The following CDH13 variants were observed in gnomAD, a reference collection of about 807,000 sequenced individuals.
CDH13 encodes the protein cadherin-13.
Under a neutral mutation model 63.8 loss-of-function variants are expected in CDH13, and 24 were observed. The ratio of observed to expected loss-of-function variants is 0.38; its 90% confidence interval spans 0.27 to 0.53. The LOEUF is 0.53. Among genes scored for constraint, CDH13 ranks in the 20% least tolerant of loss-of-function variants. The pLI is 0.85. For synonymous variants in CDH13, 503 were observed against 355.3 expected, an observed-to-expected ratio of 1.42 and a Z score of -4.67; for missense variants, 1,049 against 903.1, an observed-to-expected ratio of 1.16 and a Z score of -2.07.
rs2090806034 is a variant in CDH13, at chr16:83,344,928, G to A, written c.703G>A (p.Val235Met). The A allele has an allele frequency of 1.2e-6, 2 of 1,613,840 alleles. No homozygotes were observed. Among genetic ancestry groups the A allele is most frequent in the Non-Finnish European group, 1.7e-6 (2 of 1,179,810 alleles). ...LEGPVPLEVIVIDQNDNRPIF... is the reference protein window; with the variant it reads ...LEGPVPLEVIMIDQNDNRPIF... ...GGGGCCGGTGCCTCTGGAAGTCATT[G>A]TGATTGATCAGAATGACAACCGACC... The change falls in exon 6 of 14, where the codon GTG (valine) becomes ATG (methionine). Residue 235 changes from valine (V) to methionine (M), a missense_variant. By Grantham distance (21) the Val-to-Met change is conservative (BLOSUM62 1). Transcript: ENST00000567109.
chr16:83,511,013 C>T (rs78366289), intron 7 of CDH13, among the ~76,000 whole-genome samples: 1 of 152,214 alleles, frequency 6.6e-6, no homozygotes, highest in Non-Finnish European at 1.5e-5. Context: ...ACCATCTTCC[C>T]ACACACATAC....
rs375432318 is a variant in CDH13 at position 82,762,441 on chromosome 16, CCA to C, written c.46-95918_46-95917del. 6.5e-4 allele frequency among the ~76,000 whole-genome samples: 99 copies of C among 152,282 alleles called. 2 individuals carry two copies. In the South Asian group the frequency reaches 0.02, roughly 30 times the overall value. ...CAAGTGCTGTAGCTAAAGGGAGCTA[CCA>C]CAGAGTATTAATAGAAAATGTATGT... On this transcript the variant is annotated intron_variant, in intron 1 of 13. Coordinates refer to ENST00000567109, the MANE Select transcript of CDH13 (RefSeq NM_001257.5).
rs138549389 is a variant in CDH13 at position 83,038,383 on chromosome 16, C to A, written c.366+6165C>A. ...TAATGGGCTTCCCAGAATCTAGTAC[C>A]TGCCTGGCTTATGTAAGATCACCTT... On this transcript the variant is annotated intron_variant, in intron 3 of 13. Coordinates refer to ENST00000567109, the MANE Select transcript of CDH13 (RefSeq NM_001257.5). 1.8e-4 allele frequency among the ~76,000 whole-genome samples: 27 copies of A among 152,288 alleles called. No individual in the cohort carries two copies. The East Asian group carries it at 4.6e-3, about 26-fold the overall frequency.
At chr16:83,323,175 T>TCC (rs67338314) in intron 5 of CDH13, among the ~76,000 whole-genome samples, 2 of 61,552 alleles carry the variant, frequency 3.2e-5, no homozygotes, top group Non-Finnish European at 6.4e-5. Context: ...CTCTTTCTTT[T>TCC]TTCTTTCTTT....
intron 1 of CDH13, among the ~76,000 whole-genome samples, chr16:82,692,863 A>C (rs1291065401): frequency 6.6e-6 from 1 of 152,186 alleles, no homozygotes; most frequent in Non-Finnish European, 1.5e-5. Flanking sequence ...GGTGATCCTC[A>C]CTTCCTGGTC....
intron 4 of CDH13, among the ~76,000 whole-genome samples, chr16:83,203,712 A>G (rs868102947): frequency 7.9e-5 from 12 of 151,698 alleles, no homozygotes; most frequent in Admixed American, 1.3e-4. Flanking sequence ...AGCAAAATCT[A>G]TACACTAATA....
chr16:83,308,128 A>G (rs2089920627), intron 5 of CDH13, among the ~76,000 whole-genome samples: 1 of 152,120 alleles, frequency 6.6e-6, no homozygotes, highest in Admixed American at 6.6e-5. Flanking sequence ...ATACCTTAAC[A>G]CATTTTTATA....
At chr16:82,659,951 G>C (rs1401146631) in intron 1 of CDH13, among the ~76,000 whole-genome samples, 1 of 152,162 alleles carries the variant, frequency 6.6e-6, no homozygotes, top group Non-Finnish European at 1.5e-5. Context: ...AGGGGGGAAA[G>C]TGACTCCCCA....
At chr16:83,693,427 G>A (rs1447806666) in intron 10 of CDH13, among the ~76,000 whole-genome samples, 1 of 152,168 alleles carries the variant, frequency 6.6e-6, no homozygotes, top group Non-Finnish European at 1.5e-5. Context: ...TGATAGGGGT[G>A]TTTTTCTAGA....
At chr16:83,356,852 G>T (rs528890690) in intron 6 of CDH13, among the ~76,000 whole-genome samples, 2 of 152,024 alleles carry the variant, frequency 1.3e-5, no homozygotes, top group South Asian at 2.1e-4. Context: ...TTTAATTATG[G>T]GTGCATTTTT....
chr16:83,476,257 C>T (rs576276306), intron 6 of CDH13, among the ~76,000 whole-genome samples: 3 of 152,344 alleles, frequency 2.0e-5, no homozygotes, highest in South Asian at 2.1e-4. Context: ...AATATCACAT[C>T]TCCTGCCCCA....
At chr16:82,961,306 C>A (rs35434478) in intron 2 of CDH13, among the ~76,000 whole-genome samples, 1 of 152,026 alleles carries the variant, frequency 6.6e-6, no homozygotes, top group African/African-American at 2.4e-5. Context: ...AGGTGCCCAC[C>A]TCAGAGGCCA....
At chr16:83,193,932 C>T (rs772156001) in intron 4 of CDH13, among the ~76,000 whole-genome samples, 53 of 152,148 alleles carry the variant, frequency 3.5e-4, no homozygotes, top group Non-Finnish European at 6.3e-4. Flanking sequence ...AAAGCAGACA[C>T]TTAACTAATG....
intron 8 of CDH13, among the ~76,000 whole-genome samples, chr16:83,645,274 C>G (rs1448183051): frequency 2.0e-5 from 3 of 152,158 alleles, no homozygotes; most frequent in African/African-American, 7.2e-5. Context: ...AGGCTATTAT[C>G]CTATGTGAAT....
In CDH13 at chr16:83,029,387, C is replaced by T. The variant is rs1365380649; in HGVS notation, c.158-2623C>T. On this transcript the variant is annotated intron_variant, in intron 2 of 13. Transcript: ENST00000567109. ...AAGTTCCTAGCAACAATATTTGGAG[C>T]CCCAAAGTGGAAATAGTCCAGATAC... is the stretch of plus-strand genomic sequence containing the variant. Among the ~76,000 whole-genome samples the T allele has an allele frequency of 2.6e-5, 4 of 152,022 alleles. No individual in the cohort carries two copies. The East Asian group carries it at 5.8e-4, about 22-fold the overall frequency.
chr16:82,989,018 T>C (rs956856519), intron 2 of CDH13, among the ~76,000 whole-genome samples: 3 of 152,116 alleles, frequency 2.0e-5, no homozygotes, highest in African/African-American at 4.8e-5. Context: ...AATTAACTTA[T>C]TAAAGGATGA....
At chr16:82,703,486 G>A (rs2150994943) in intron 1 of CDH13, among the ~76,000 whole-genome samples, 1 of 152,272 alleles carries the variant, frequency 6.6e-6, no homozygotes, top group South Asian at 2.1e-4. Flanking sequence ...CCCCTTTGGA[G>A]ATGTATTTGA....
intron 7 of CDH13, among the ~76,000 whole-genome samples, chr16:83,495,748 T>G (rs1051477920): frequency 1.3e-5 from 2 of 152,164 alleles, no homozygotes; most frequent in Non-Finnish European, 2.9e-5. Flanking sequence ...AGCCCTCTTT[T>G]GAGACTTTTT....
chr16:83,303,003 G>T (rs2089786534), intron 5 of CDH13, among the ~76,000 whole-genome samples: 1 of 152,200 alleles, frequency 6.6e-6, no homozygotes, highest in Non-Finnish European at 1.5e-5. Context: ...CATGGCTGCT[G>T]TCATTTCCAG....
Sources: allele counts gnomAD v4.1 joint callset (sites outside exome capture counted in the v4.1 genomes callset), GRCh38; gene constraint gnomAD v4.1.1; transcripts MANE v1.5; gene names NCBI Gene and HGNC (gene_info 2026-07-23, HGNC 2026-07-21).